PCDH17: variants seen among roughly 807,000 people sequenced by gnomAD.
PCDH17 encodes protocadherin 17.
A neutral mutation model predicts 67.7 loss-of-function variants in PCDH17; 21 were observed. That is an observed-to-expected ratio of 0.31 (90% CI 0.22 to 0.45). The LOEUF (loss-of-function observed/expected upper bound fraction) is 0.45. Ranked by LOEUF, PCDH17 falls within the 20% of genes least tolerant of loss-of-function variation. PCDH17 has a pLI of 1.00. For synonymous variants in PCDH17, 701 were observed against 656.7 expected (o/e 1.07, Z -1.03); for missense variants, 1,471 against 1,564.8 (o/e 0.94, Z 1.01).
chr13:57,638,932 T>A (rs1954857848), intron 1 of PCDH17, among the ~76,000 whole-genome samples: 2 of 152,050 alleles, frequency 1.3e-5, no homozygotes, highest in Non-Finnish European at 2.9e-5. Context: ...CAAAATTTCA[T>A]ACTCTAGCCT....
chr13:57,652,610 A>G (rs12430002), intron 1 of PCDH17, among the ~76,000 whole-genome samples: 13,241 of 152,250 alleles, frequency 0.087, 807 homozygotes, highest in Admixed American at 0.14. Flanking sequence ...AATGAAGAGA[A>G]GTTTCTACAA....
In PCDH17 at chr13:57,632,228, C is replaced by T; in HGVS notation, c.-319C>T. ...CCTCATCGCTCAAGTTTGAGCCTCC[C>T]GAAGTCCGGGCGGGAGAGACGAAAC... On this transcript the variant is annotated 5_prime_UTR_variant, in exon 1 of 4. Coordinates refer to ENST00000377918, the MANE Select transcript of PCDH17 (RefSeq NM_001040429.3). 1 of 412,044 alleles carries T rather than the reference C, an allele frequency of 2.4e-6. No individual in the cohort carries two copies. 25.5% of individuals were successfully genotyped at this position (412,044 alleles called of 1,614,324 possible).
intron 3 of PCDH17, among the ~76,000 whole-genome samples, chr13:57,708,854 C>T (rs898666073): frequency 6.6e-6 from 1 of 151,818 alleles, no homozygotes; most frequent in African/African-American, 2.4e-5. Context: ...TTTCAGGCAG[C>T]AATTGATTTC....
At chr13:57,658,152 A>G (rs1955132535) in intron 1 of PCDH17, among the ~76,000 whole-genome samples, 1 of 152,196 alleles carries the variant, frequency 6.6e-6, no homozygotes, top group Admixed American at 6.5e-5. Flanking sequence ...TTTAAGTATT[A>G]TCTATTTAGA....
At chr13:57,641,575 AAAAAAAAAAAAAATAT>A (rs1434254771) in intron 1 of PCDH17, among the ~76,000 whole-genome samples, 66 of 76,532 alleles carry the variant, frequency 8.6e-4, no homozygotes, top group African/African-American at 2.7e-3. Flanking sequence ...AAAAAAAAAA[AAAAAAAAAAAAAATAT>A]ATATATATAT....
Position 57,729,139 on chromosome 13 carries a change from T to C in PCDH17, c.*3845T>C, listed in dbSNP as rs1347334417. On this transcript the variant is annotated 3_prime_UTR_variant, in exon 4 of 4. Coordinates refer to ENST00000377918, the MANE Select transcript of PCDH17 (RefSeq NM_001040429.3). The stretch of plus-strand genomic sequence containing the variant: ...TGTTTTGCAGGTTGGCTATTTCCAT[T>C]ATCAGCCCATCACTCCATAAAGTTC... 6.6e-6 allele frequency: 1 copy of C among 152,136 alleles called. No individual in the cohort carries two copies. Among genetic ancestry groups the C allele is most frequent in the African/African-American group, 2.4e-5 (1 of 41,442 alleles). 9.4% of individuals were successfully genotyped at this position (152,136 alleles called of 1,614,324 possible).
chr13:57,727,299 T>C lies in PCDH17; in HGVS notation c.*2005T>C, dbSNP rs1020902051. The C allele has an allele frequency of 1.3e-5, 2 of 152,560 alleles. No individual in the cohort carries two copies. Among genetic ancestry groups the C allele is most frequent in the Non-Finnish European group, 2.9e-5 (2 of 67,996 alleles). The allele number at this position is 152,560 out of a possible 1,614,324, so 9.5% of individuals were successfully genotyped here. On this transcript the variant is annotated 3_prime_UTR_variant, in exon 4 of 4. Coordinates refer to ENST00000377918, the MANE Select transcript of PCDH17 (RefSeq NM_001040429.3). ...GAAAAATGCATTATTTGCAAACTGG[T>C]GGATAATTTTGTGCCTTCTCTTCTG...
At chr13:57,637,171 T>C (rs890312061) in intron 1 of PCDH17, among the ~76,000 whole-genome samples, 1 of 152,108 alleles carries the variant, frequency 6.6e-6, no homozygotes, top group Admixed American at 6.5e-5. Context: ...CTGTTTCTTC[T>C]AGATTCTTAA....
At chr13:57,692,562 G>C (rs1955568896) in intron 3 of PCDH17, among the ~76,000 whole-genome samples, 1 of 151,196 alleles carries the variant, frequency 6.6e-6, no homozygotes, top group Non-Finnish European at 1.5e-5. Flanking sequence ...ATGTTAAAAT[G>C]CTATATGTAT....
Position 57,728,740 on chromosome 13 carries a change from G to A in PCDH17, c.*3446G>A, listed in dbSNP as rs1014633583. 4.6e-5 allele frequency: 7 copies of A among 151,986 alleles called. No homozygotes were observed. Among genetic ancestry groups the A allele is most frequent in the African/African-American group, 1.7e-4 (7 of 41,408 alleles). The allele number at this position is 151,986 out of a possible 1,614,324, so 9.4% of individuals were successfully genotyped here. On this transcript the variant is annotated 3_prime_UTR_variant, in exon 4 of 4. Transcript: ENST00000377918. ...ACTCCATAGGTTAATTGAATTCCTG[G>A]TTGAGAAACTAACTTGTTTTGTTTT...
chr13:57,694,032 A>T (rs1254802004), intron 3 of PCDH17, among the ~76,000 whole-genome samples: 2 of 150,796 alleles, frequency 1.3e-5, no homozygotes, highest in Non-Finnish European at 1.5e-5. Flanking sequence ...TCTAGGCAGC[A>T]CATCTTGAAT....
chr13:57,664,726 A>G (rs7331145), intron 1 of PCDH17, among the ~76,000 whole-genome samples: 37,530 of 152,142 alleles, frequency 0.25, 6,399 homozygotes, highest in African/African-American at 0.49. Context: ...GACAGCAATA[A>G]TGGAATAGAT....
At chr13:57,706,597 A>G (rs1429583042) in intron 3 of PCDH17, among the ~76,000 whole-genome samples, 1 of 152,140 alleles carries the variant, frequency 6.6e-6, no homozygotes, top group Non-Finnish European at 1.5e-5. Context: ...GCTCTCCATG[A>G]TGGTTTATTC....
At chr13:57,644,805 A>C (rs937513510) in intron 1 of PCDH17, among the ~76,000 whole-genome samples, 1 of 151,702 alleles carries the variant, frequency 6.6e-6, no homozygotes, top group African/African-American at 2.4e-5. Flanking sequence ...TTGACATGTA[A>C]TGTCTCAGGA....
chr13:57,658,362 G>A (rs1955136190), intron 1 of PCDH17, among the ~76,000 whole-genome samples: 1 of 152,106 alleles, frequency 6.6e-6, no homozygotes, highest in Non-Finnish European at 1.5e-5. Flanking sequence ...CGTGAGGCAA[G>A]GGAGGTAGTT....
upstream of PCDH17, among the ~76,000 whole-genome samples, chr13:57,630,865 A>G (rs1286496154): frequency 6.6e-6 from 1 of 152,196 alleles, no homozygotes; most frequent in Non-Finnish European, 1.5e-5. Flanking sequence ...CATCCGGCAG[A>G]TCGGAACACC....
At chr13:57,666,973 C>A in intron 3 of PCDH17, 140 bp downstream of exon 3, 1 of 654,820 alleles carries the variant, frequency 1.5e-6, no homozygotes, top group Non-Finnish European at 2.2e-6. Flanking sequence ...TGAGGTTGCC[C>A]CAGAAAAAAA....
At chr13:57,689,455 G>A (rs1955537435) in intron 3 of PCDH17, among the ~76,000 whole-genome samples, 1 of 151,942 alleles carries the variant, frequency 6.6e-6, no homozygotes, top group African/African-American at 2.4e-5. Context: ...CATAGAAAAT[G>A]GGAAGGACAC....
In PCDH17 at chr13:57,713,980, T is replaced by C. The variant is rs533160436; in HGVS notation, c.2798-10632T>C. The stretch of plus-strand genomic sequence containing the variant: ...TGTACACATGCCCACCTAATTTAAG[T>C]TAACAAAGGAAACTTTAGACCTATC... On this transcript the variant is annotated intron_variant, in intron 3 of 3. Coordinates refer to ENST00000377918, the MANE Select transcript of PCDH17 (RefSeq NM_001040429.3). Among the ~76,000 whole-genome samples the C allele has an allele frequency of 8.6e-5, 13 of 151,716 alleles. No homozygotes were observed. The South Asian group carries it at 2.7e-3, about 31-fold the overall frequency.
Sources: gnomAD v4.1 joint callset for allele counts (sites outside exome capture counted in the v4.1 genomes callset) on GRCh38, gnomAD v4.1.1 for gene constraint, MANE v1.5 for transcripts, NCBI Gene and HGNC (gene_info 2026-07-23, HGNC 2026-07-21) for gene names.